ZNF93: variants seen among roughly 807,000 people sequenced by gnomAD.
The protein encoded by ZNF93 is zinc finger protein 505.
Under a neutral mutation model 45.0 loss-of-function variants are expected in ZNF93, and 29 were observed. The ratio of observed to expected loss-of-function variants is 0.64; its 90% confidence interval spans 0.48 to 0.88. The LOEUF (loss-of-function observed/expected upper bound fraction) is 0.88. Among genes scored for constraint, ZNF93 ranks in the 40% least tolerant of loss-of-function variants. ZNF93 has a pLI of 0.00. For synonymous variants in ZNF93, 223 were observed against 244.6 expected (o/e 0.91, Z 0.82); for missense variants, 578 against 724.0 (o/e 0.80, Z 2.31).
At chr19:19,910,433 A>G (rs2063304559) in intron 1 of ZNF93, among the ~76,000 whole-genome samples, 1 of 152,170 alleles carries the variant, frequency 6.6e-6, no homozygotes, top group Non-Finnish European at 1.5e-5. Flanking sequence ...TATATATGTA[A>G]TCAATAATCG....
intron 1 of ZNF93, among the ~76,000 whole-genome samples, chr19:19,903,887 G>A (rs1470146354): frequency 6.6e-6 from 1 of 151,742 alleles, no homozygotes; most frequent in East Asian, 1.9e-4. Context: ...CCTGGCCAAC[G>A]TGGTGGAACC....
In ZNF93 at chr19:19,929,347, A is replaced by G. The variant is rs548296272; in HGVS notation, c.227-3835A>G. Among the ~76,000 whole-genome samples the G allele has an allele frequency of 3.9e-5, 6 of 152,324 alleles. No homozygotes were observed. In the East Asian group the frequency reaches 7.7e-4, roughly 20 times the overall value. ...TCAAGTATTTCTCTATATGCAAAAGAATCAATATAGTCTATAATGTTGTCT... is the reference window on the plus strand; with the variant it reads ...TCAAGTATTTCTCTATATGCAAAAGGATCAATATAGTCTATAATGTTGTCT... On this transcript the variant is annotated intron_variant, in intron 3 of 3. Coordinates refer to ENST00000343769, the MANE Select transcript of ZNF93 (RefSeq NM_031218.4).
intron 3 of ZNF93, 169 bp from the exon 4 acceptor site, chr19:19,933,013 G>T: frequency 4.1e-6 from 2 of 487,244 alleles, no homozygotes; most frequent in Non-Finnish European, 6.6e-6. Context: ...GTGCCATTTT[G>T]GTTTGTATGT....
In ZNF93 at chr19:19,900,975, T is replaced by G; in HGVS notation, c.-114T>G. ...CTCGGTGCAGCCGGAGCTCCAGGTC[T>G]CCTCTTCACTACTCTGTGTCCTGTG... On this transcript the variant is annotated 5_prime_UTR_variant, in exon 1 of 4. Coordinates refer to ENST00000343769, the MANE Select transcript of ZNF93 (RefSeq NM_031218.4). 6.6e-7 allele frequency: 1 copy of G among 1,526,550 alleles called. No individual in the cohort carries two copies. The highest frequency in any genetic ancestry group is 9.0e-7 in the Non-Finnish European group (1 of 1,106,710). 94.6% of individuals were successfully genotyped at this position (1,526,550 alleles called of 1,614,324 possible).
At chr19:19,901,122 C>CG in intron 1 of ZNF93, 31 bp downstream of exon 1, 1 of 1,613,140 alleles carries the variant, frequency 6.2e-7, no homozygotes. Flanking sequence ...TCCCAAGCGA[C>CG]GGGGAGGGGC....
chr19:19,906,859 C>A (rs1230684962), intron 1 of ZNF93, among the ~76,000 whole-genome samples: 1 of 151,180 alleles, frequency 6.6e-6, no homozygotes, highest in Non-Finnish European at 1.5e-5. Flanking sequence ...TTTCTGGGCT[C>A]TCTATTCTGT....
At chr19:19,920,800 T>C (rs1240457744) in intron 3 of ZNF93, among the ~76,000 whole-genome samples, 1 of 152,204 alleles carries the variant, frequency 6.6e-6, no homozygotes, top group African/African-American at 2.4e-5. Flanking sequence ...ATCCCCTTTA[T>C]CATTTTTTAT....
At chr19:19,908,994 C>T (rs2063300585) in intron 1 of ZNF93, 1 of 152,552 alleles carries the variant, frequency 6.6e-6, no homozygotes, top group South Asian at 2.1e-4. Flanking sequence ...GAAGATATGT[C>T]TATCTGGACT....
In ZNF93 at chr19:19,934,685, C is replaced by G; in HGVS notation, c.1730C>G (p.Ser577Cys). 1.2e-6 allele frequency: 2 copies of G among 1,613,720 alleles called. No individual in the cohort carries two copies. Among genetic ancestry groups the G allele is most frequent in the Non-Finnish European group, 1.7e-6 (2 of 1,179,810 alleles). Reference protein sequence around the residue: ...CRECGKAFNHSATLSSHKKIH... With the variant: ...CRECGKAFNHCATLSSHKKIH... ...GAATGTGGCAAAGCTTTTAACCATT[C>G]TGCAACCCTTTCTTCACATAAGAAA... Residue 577 changes from serine to cysteine, a missense_variant, in exon 4 of 4, where the codon TCT becomes TGT. Physicochemically the swap from Ser to Cys is moderately radical, Grantham distance 112. Around this residue, in one of 3 missense-constraint regions of ZNF93, gnomAD observed 119 missense variants for 123.1 expected, o/e 0.97. Coordinates refer to ENST00000343769, the MANE Select transcript of ZNF93 (RefSeq NM_031218.4).
chr19:19,923,825 C>T (rs1477883756), intron 3 of ZNF93, among the ~76,000 whole-genome samples: 3 of 152,162 alleles, frequency 2.0e-5, no homozygotes, highest in Non-Finnish European at 4.4e-5. Flanking sequence ...CACCCCTTTC[C>T]TTGGCTAGGA....
chr19:19,913,949 G>A lies in ZNF93; in HGVS notation c.4-1331G>A, dbSNP rs77474145. ...ACTTCTCTACTTTTGTTTTTCCTCC[G>A]TGAGTTTGATTTAACTACTTCTTAA... On this transcript the variant is annotated intron_variant, in intron 1 of 3. Transcript: ENST00000343769. Among the ~76,000 whole-genome samples, 384 of 151,954 alleles carry A rather than the reference G, an allele frequency of 2.5e-3. 4 individuals carry two copies. The highest frequency in any genetic ancestry group is 0.01 in the Middle Eastern group (3 of 294).
chr19:19,907,147 T>C (rs1234500658), intron 1 of ZNF93, among the ~76,000 whole-genome samples: 7 of 152,106 alleles, frequency 4.6e-5, no homozygotes, highest in Admixed American at 4.6e-4. Flanking sequence ...ATTGTCTTTA[T>C]CTAGTACTTC....
At chr19:19,920,162 G>T (rs981422530) in intron 3 of ZNF93, among the ~76,000 whole-genome samples, 6 of 152,096 alleles carry the variant, frequency 3.9e-5, no homozygotes, top group Admixed American at 1.3e-4. Flanking sequence ...TAGCATGAAG[G>T]GCTGTTGAAT....
chr19:19,912,800 G>T (rs891493411), intron 1 of ZNF93, among the ~76,000 whole-genome samples: 1 of 152,110 alleles, frequency 6.6e-6, no homozygotes, highest in South Asian at 2.1e-4. Flanking sequence ...CCAGCTCCCC[G>T]GGTGTTAAGA....
chr19:19,902,293 C>T (rs1330840598), intron 1 of ZNF93, among the ~76,000 whole-genome samples: 1 of 151,746 alleles, frequency 6.6e-6, no homozygotes, highest in Non-Finnish European at 1.5e-5. Flanking sequence ...GCGTTTTGCT[C>T]TTGTTGCCCA....
chr19:19,926,487 G>GTT (rs35213406), intron 3 of ZNF93, among the ~76,000 whole-genome samples: 4 of 138,504 alleles, frequency 2.9e-5, no homozygotes, highest in African/African-American at 8.0e-5. Context: ...TCAGTGTAGG[G>GTT]TTTTTTTTTT....
At chr19:19,918,369 G>T (rs764905540) in intron 3 of ZNF93, among the ~76,000 whole-genome samples, 4 of 152,078 alleles carry the variant, frequency 2.6e-5, no homozygotes, top group Non-Finnish European at 4.4e-5. Flanking sequence ...CATTTGGGTT[G>T]GTTCCAAGTC....
At chr19:19,905,593 G>C (rs1056973228) in intron 1 of ZNF93, among the ~76,000 whole-genome samples, 1 of 151,868 alleles carries the variant, frequency 6.6e-6, no homozygotes, top group Non-Finnish European at 1.5e-5. Context: ...TCCATATTTT[G>C]TTTTTGCTAA....
Position 19,915,270 on chromosome 19 carries a change from T to C in ZNF93, c.4-10T>C. 1 of 1,613,684 alleles carries C rather than the reference T, an allele frequency of 6.2e-7. No homozygotes were observed. The highest frequency in any genetic ancestry group is 1.1e-5 in the South Asian group (1 of 91,074). On this transcript the variant is annotated splice_polypyrimidine_tract_variant and intron_variant, in intron 1 of 3. Coordinates refer to ENST00000343769, the MANE Select transcript of ZNF93 (RefSeq NM_031218.4). ...GCCACTTGGTGAAAATGTGTGTGTG[T>C]GTTTTTCAGGGACCATTGCAATTTA...
Sources: gnomAD v4.1 joint callset for allele counts (sites outside exome capture counted in the v4.1 genomes callset) on GRCh38, gnomAD v4.1.1 for gene constraint, gnomAD v4.1.1 regional missense constraint, MANE v1.5 for transcripts, NCBI Gene and HGNC (gene_info 2026-07-23, HGNC 2026-07-21) for gene names.